Variants in PSD2 observed in about 807,000 individuals in gnomAD.
PSD2 encodes the protein pleckstrin and Sec7 domain containing 2, also known as PH and SEC7 domain-containing protein 2.
Under a neutral mutation model 69.8 loss-of-function variants are expected in PSD2, and 38 were observed. That is an observed-to-expected ratio of 0.54 (90% CI 0.42 to 0.71). The LOEUF (loss-of-function observed/expected upper bound fraction) is 0.71, where lower values mean the gene tolerates loss of function less well. Among genes scored for constraint, PSD2 ranks in the 30% least tolerant of loss-of-function variants. The pLI, the probability that PSD2 is intolerant of heterozygous loss-of-function variation, is 0.00. For missense variants in PSD2, 943 were observed against 1,014.5 expected (o/e 0.93, Z 0.96); for synonymous variants, 412 against 423.0 (o/e 0.97, Z 0.32).
Position 139,836,907 on chromosome 5 carries a change from C to T in PSD2, c.1500C>T (p.Asn500=), listed in dbSNP as rs771760215. 1 of 1,614,162 alleles carries T rather than the reference C, an allele frequency of 6.2e-7. No individual in the cohort carries two copies. The highest frequency in any genetic ancestry group is 8.5e-7 in the Non-Finnish European group (1 of 1,180,024). ...TGACGCGAATCCTGGATGGTGGCAA[C>T]CCCTTCCTGGATGTCCCACAGGCGC... The part of the protein sequence containing the change: ...KKVTRILDGG[N]PFLDVPQALS... The change falls in exon 10 of 15, where the codon AAC becomes AAT. Residue 500 remains asparagine, a synonymous_variant. Coordinates refer to ENST00000274710, the MANE Select transcript of PSD2 (RefSeq NM_032289.4).
chr5:139,758,070 C>A, the PSD2 span, among the ~76,000 whole-genome samples: 2 of 152,124 alleles, frequency 1.3e-5, no homozygotes, highest in Non-Finnish European at 1.5e-5. Context: ...AACAAAAAAA[C>A]CAAATGGTTT....
the PSD2 span, among the ~76,000 whole-genome samples, chr5:139,758,186 G>C: frequency 6.6e-6 from 1 of 152,198 alleles, no homozygotes; most frequent in Non-Finnish European, 1.5e-5. Context: ...GAGGCCGGTG[G>C]AGCGTGCTTT....
In PSD2 at chr5:139,799,955, T is replaced by A. The variant is rs550786501; in HGVS notation, c.-51+3980T>A. ...TTTTCCAGGCCAGAGGAATGGTGTG[T>A]GGGAAGCTCATTTGGTGGCCCCAAC... is the stretch of plus-strand genomic sequence containing the variant. On this transcript the variant is annotated intron_variant, in intron 1 of 14. Transcript: ENST00000274710. 2.6e-5 allele frequency among the ~76,000 whole-genome samples: 4 copies of A among 152,226 alleles called. No individual in the cohort carries two copies. In the East Asian group the frequency reaches 7.7e-4, roughly 29 times the overall value.
At chr5:139,790,479 C>G in the PSD2 span, among the ~76,000 whole-genome samples, 1 of 151,742 alleles carries the variant, frequency 6.6e-6, no homozygotes, top group African/African-American at 2.4e-5. Flanking sequence ...GGACTGAGCC[C>G]TGGGAGCTCT....
chr5:139,841,943 A>C (rs1288892402), intron 14 of PSD2, among the ~76,000 whole-genome samples: 1 of 152,164 alleles, frequency 6.6e-6, no homozygotes, highest in Non-Finnish European at 1.5e-5. Context: ...CCCATTCTGT[A>C]GGTTGCCTTT....
In PSD2 at chr5:139,809,644, C is replaced by A. The variant is rs34206173; in HGVS notation, c.204C>A (p.Phe68Leu). 7 of 1,614,156 alleles carry A rather than the reference C, an allele frequency of 4.3e-6. No homozygotes were observed. The highest frequency in any genetic ancestry group is 5.9e-6 in the Non-Finnish European group (7 of 1,180,058). ...CCACGAAGGACCCAGATGTGGCCTTCCATGGCCTCAGCCTTGGCCTCTCTC... is the reference window on the plus strand; with the variant it reads ...CCACGAAGGACCCAGATGTGGCCTTACATGGCCTCAGCCTTGGCCTCTCTC... Reference protein sequence around the residue: ...EEPTKDPDVAFHGLSLGLSLT... With the variant: ...EEPTKDPDVALHGLSLGLSLT... Residue 68 changes from phenylalanine to leucine, a missense_variant, in exon 2 of 15, where the codon TTC (phenylalanine) becomes TTA (leucine). By Grantham distance (22) the Phe-to-Leu change is conservative. This residue lies in a region of PSD2 where 466 missense variants were observed against 445.0 expected (regional missense o/e 1.05). Transcript: ENST00000274710.
chr5:139,791,672 C>G (rs1416851735), upstream of PSD2, among the ~76,000 whole-genome samples: 2 of 152,102 alleles, frequency 1.3e-5, no homozygotes, highest in Non-Finnish European at 2.9e-5. Context: ...CTTCCCCTGA[C>G]AGATACAACC....
the PSD2 span, among the ~76,000 whole-genome samples, chr5:139,766,929 CCTT>C: frequency 0.044 from 855 of 19,464 alleles, 92 homozygotes; most frequent in Middle Eastern, 0.068. Context: ...TCCTTCCTTC[CCTT>C]CTTTCTTTCT....
rs1759891738 is a variant in PSD2 at position 139,809,387 on chromosome 5, C to T, written c.-50-4C>T. The T allele has an allele frequency of 2.6e-6, 4 of 1,566,662 alleles. No individual in the cohort carries two copies. On this transcript the variant is annotated splice_region_variant and splice_polypyrimidine_tract_variant and intron_variant, in intron 1 of 14. Coordinates refer to ENST00000274710, the MANE Select transcript of PSD2 (RefSeq NM_032289.4). ...CAGTTCTTCCTCTCTCCACCCACTG[C>T]CAGGTCTAGAGGAGTCCCAGGAGCA...
rs1760024484 is a variant in PSD2 at position 139,813,431 on chromosome 5, G to T, written c.494G>T (p.Ser165Ile). The change falls in exon 3 of 15, where the codon AGC becomes ATC. Residue 165 changes from serine (S) to isoleucine (I), a missense_variant. This residue lies in a region of PSD2 where 466 missense variants were observed against 445.0 expected (regional missense o/e 1.05). Coordinates refer to ENST00000274710, the MANE Select transcript of PSD2 (RefSeq NM_032289.4). ...AGCCTCGACTCCCTAGACGGGCTGA[G>T]CCTCACGGATGAGAGCGACAGCTGC... is the stretch of plus-strand genomic sequence containing the variant. ...YSSLDSLDGL[S>I]LTDESDSCVS... is the part of the protein sequence containing the mutation. 6.2e-7 allele frequency: 1 copy of T among 1,614,068 alleles called. No homozygotes were observed. The highest frequency in any genetic ancestry group is 8.5e-7 in the Non-Finnish European group (1 of 1,179,892).
chr5:139,756,277 G>T, the PSD2 span, among the ~76,000 whole-genome samples: 1 of 152,264 alleles, frequency 6.6e-6, no homozygotes, highest in East Asian at 1.9e-4. Context: ...TGCCTCCGCC[G>T]CGCGGCGTAA....
Position 139,836,851 on chromosome 5 carries a change from G to C in PSD2, c.1444G>C (p.Asp482His). 6.2e-7 allele frequency: 1 copy of C among 1,614,184 alleles called. No individual in the cohort carries two copies. Among genetic ancestry groups the C allele is most frequent in the Non-Finnish European group, 8.5e-7 (1 of 1,180,018 alleles). Residue 482 changes from aspartate (D) to histidine (H), a missense_variant, in exon 10 of 15, where the codon GAT becomes CAT. Physicochemically the swap from Asp to His is moderately conservative, Grantham distance 81. Transcript: ENST00000274710. ...GAGGAAATCCCTGTCTGAGCTGGTG[G>C]ATGACAAGTTCGGGACAGGCACGAA... Reference protein sequence around the residue: ...ELRKSLSELVDDKFGTGTKKV... With the variant: ...ELRKSLSELVHDKFGTGTKKV...
At chr5:139,787,236 C>A in the PSD2 span, among the ~76,000 whole-genome samples, 6 of 152,174 alleles carry the variant, frequency 3.9e-5, no homozygotes, top group Non-Finnish European at 5.9e-5. Flanking sequence ...ATGAACGGGG[C>A]AAACAAGACC....
At chr5:139,760,960 G>C in the PSD2 span, among the ~76,000 whole-genome samples, 1 of 152,146 alleles carries the variant, frequency 6.6e-6, no homozygotes, top group Non-Finnish European at 1.5e-5. Context: ...GGCTGATAGA[G>C]GAAACGTAGC....
intron 7 of PSD2, among the ~76,000 whole-genome samples, chr5:139,825,598 T>TCAGTGAAAGAGAGGAGC (rs1652223809): frequency 6.7e-6 from 1 of 149,522 alleles, no homozygotes; most frequent in African/African-American, 2.5e-5. Context: ...ATGGGGTTGG[T>TCAGTGAAAGAGAGGAGC]CAGTGAAAGA....
intron 5 of PSD2, among the ~76,000 whole-genome samples, chr5:139,818,036 C>T (rs1760165400): frequency 1.3e-5 from 2 of 152,042 alleles, no homozygotes; most frequent in South Asian, 4.1e-4. Flanking sequence ...AGGGAGTAGA[C>T]CTCAGGAGGG....
At chr5:139,842,108 T>C (rs1442278375) in intron 14 of PSD2, among the ~76,000 whole-genome samples, 163 bp from the exon 15 acceptor site, 1 of 152,268 alleles carries the variant, frequency 6.6e-6, no homozygotes, top group Non-Finnish European at 1.5e-5. Context: ...ATGAAGTTTA[T>C]GTGCATGTCC....
rs1760155471 is a variant in PSD2 at position 139,817,685 on chromosome 5, T to C, written c.1097+124T>C. 5 of 807,604 alleles carry C rather than the reference T, an allele frequency of 6.2e-6. No homozygotes were observed. In the Admixed American group the frequency reaches 9.5e-5, roughly 15 times the overall value. The allele number at this position is 807,604 out of a possible 1,614,324, so 50.0% of individuals were successfully genotyped here. A position where few individuals can be genotyped will look rare whatever the true frequency, so the allele number is the denominator to read the frequency against. ...CAAGTCTTTTGACCCCTGGTGAGGC[T>C]GTGGGGAAGGGGCCACAGGAGCAGC... On this transcript the variant is annotated intron_variant, in intron 5 of 14. Transcript: ENST00000274710.
the PSD2 span, among the ~76,000 whole-genome samples, chr5:139,756,071 C>G: frequency 7.9e-5 from 12 of 152,340 alleles, no homozygotes; most frequent in East Asian, 3.9e-4. Context: ...CCCCCACCCC[C>G]AGTCACGCTG....
Sources: gnomAD v4.1 joint callset for allele counts (sites outside exome capture counted in the v4.1 genomes callset) on GRCh38, gnomAD v4.1.1 for gene constraint, gnomAD v4.1.1 regional missense constraint, MANE v1.5 for transcripts, NCBI Gene and HGNC (gene_info 2026-07-23, HGNC 2026-07-21) for gene names.